The following CRYBG1 variants were observed in gnomAD, a reference collection of about 807,000 sequenced individuals.
The protein encoded by CRYBG1 is beta/gamma crystallin domain-containing protein 1.
Under a neutral mutation model 189.2 loss-of-function variants are expected in CRYBG1, and 139 were observed. The ratio of observed to expected loss-of-function variants is 0.73; its 90% CI spans 0.64 to 0.85. The LOEUF (loss-of-function observed/expected upper bound fraction) is 0.85. Ranked by LOEUF, CRYBG1 falls within the 40% of genes least tolerant of loss-of-function variation. The probability of loss-of-function intolerance (pLI) is 0.00; values close to 1 mark genes in which losing one functional copy is unlikely to be tolerated. For synonymous variants in CRYBG1, 1,023 were observed against 1,017.1 expected, an observed-to-expected ratio of 1.01 and a Z score of -0.11; for missense variants, 2,611 against 2,675.8, an observed-to-expected ratio of 0.98 and a Z score of 0.53.
chr6:106,377,446 T>C (rs17066932), intron 1 of CRYBG1, among the ~76,000 whole-genome samples: 7,380 of 152,142 alleles, frequency 0.049, 238 homozygotes, highest in South Asian at 0.17. Flanking sequence ...GCCAAAGCGG[T>C]CATCAGACTT....
chr6:106,543,789 C>T (rs1774196123), intron 11 of CRYBG1, among the ~76,000 whole-genome samples, 192 bp downstream of exon 11: 1 of 152,216 alleles, frequency 6.6e-6, no homozygotes. Flanking sequence ...TGGTGGCTCA[C>T]ACCTGTAATC....
chr6:106,496,412 A>C (rs972240510), intron 2 of CRYBG1, among the ~76,000 whole-genome samples: 3 of 152,204 alleles, frequency 2.0e-5, no homozygotes, highest in African/African-American at 7.2e-5. Flanking sequence ...ACACTGACAA[A>C]TCATCTTTAC....
chr6:106,548,733 C>T (rs1774320824), intron 13 of CRYBG1, among the ~76,000 whole-genome samples: 1 of 150,450 alleles, frequency 6.6e-6, no homozygotes, highest in African/African-American at 2.4e-5. Context: ...CGTAGATTTT[C>T]TTTTTTTTTA....
At chr6:106,477,950 G>A (rs1282334195) in intron 2 of CRYBG1, among the ~76,000 whole-genome samples, 1 of 152,252 alleles carries the variant, frequency 6.6e-6, no homozygotes, top group African/African-American at 2.4e-5. Context: ...TTGCCACAGG[G>A]CAGAGAAAAG....
chr6:106,527,936 C>T (rs1420704181), intron 7 of CRYBG1, among the ~76,000 whole-genome samples: 4 of 152,056 alleles, frequency 2.6e-5, no homozygotes, highest in Non-Finnish European at 5.9e-5. Context: ...TATTTGAGGC[C>T]ACTTTATGGG....
chr6:106,504,593 A>C (rs1185069659), intron 2 of CRYBG1, among the ~76,000 whole-genome samples: 2 of 152,198 alleles, frequency 1.3e-5, no homozygotes, highest in Non-Finnish European at 2.9e-5. Context: ...TGTGCTTAAT[A>C]GATCAGAGTT....
chr6:106,466,726 T>C (rs540970193), intron 2 of CRYBG1, among the ~76,000 whole-genome samples: 3 of 152,344 alleles, frequency 2.0e-5, no homozygotes, highest in South Asian at 4.1e-4. Flanking sequence ...AAGGTATCAG[T>C]TGAAGACATA....
chr6:106,437,528 C>T (rs1016059688), intron 1 of CRYBG1, among the ~76,000 whole-genome samples: 7 of 152,222 alleles, frequency 4.6e-5, no homozygotes, highest in African/African-American at 1.7e-4. Flanking sequence ...CCTCAAATTC[C>T]TGGGGTCAAG....
At chr6:106,485,377 TA>T (rs945622201) in intron 2 of CRYBG1, among the ~76,000 whole-genome samples, 3 of 152,258 alleles carry the variant, frequency 2.0e-5, no homozygotes, top group African/African-American at 7.2e-5. Context: ...CTGAATTAGA[TA>T]ATTAGTTCTA....
intron 2 of CRYBG1, among the ~76,000 whole-genome samples, chr6:106,489,349 T>G (rs929309168): frequency 6.6e-6 from 1 of 152,180 alleles, no homozygotes; most frequent in African/African-American, 2.4e-5. Flanking sequence ...GTTGGCCATC[T>G]TGCTGATGTC....
intron 2 of CRYBG1, among the ~76,000 whole-genome samples, chr6:106,462,723 A>C (rs2114455098): frequency 6.6e-6 from 1 of 152,356 alleles, no homozygotes; most frequent in East Asian, 1.9e-4. Context: ...AAGTGGAATA[A>C]TTAGTTTAAG....
intron 1 of CRYBG1, among the ~76,000 whole-genome samples, chr6:106,423,477 A>G (rs892257144): frequency 6.6e-6 from 1 of 151,924 alleles, no homozygotes; most frequent in African/African-American, 2.4e-5. Context: ...CAGCAGAAAC[A>G]TTTTTACCTG....
At chr6:106,531,390 A>G (rs1773872699) in intron 8 of CRYBG1, among the ~76,000 whole-genome samples, 1 of 152,236 alleles carries the variant, frequency 6.6e-6, no homozygotes, top group Admixed American at 6.5e-5. Flanking sequence ...GTGGTCATAT[A>G]GAAGAGATAT....
chr6:106,546,099 G>A (rs1467570966), intron 13 of CRYBG1, among the ~76,000 whole-genome samples: 1 of 152,160 alleles, frequency 6.6e-6, no homozygotes, highest in Non-Finnish European at 1.5e-5. Flanking sequence ...CCACAGAGAC[G>A]GCCATGTCTG....
At chr6:106,388,859 T>G (rs1313771358) in intron 1 of CRYBG1, among the ~76,000 whole-genome samples, 1 of 152,198 alleles carries the variant, frequency 6.6e-6, no homozygotes, top group African/African-American at 2.4e-5. Flanking sequence ...GAGAGAAAGA[T>G]CAGTGCTTTT....
rs751055601 is a variant in CRYBG1 at position 106,539,425 on chromosome 6, GGA to G, written c.4742_4743del (p.Gly1581ValfsTer12). 1.2e-4 allele frequency: 198 copies of G among 1,613,904 alleles called. No individual in the cohort carries two copies. Among genetic ancestry groups the G allele is most frequent in the Non-Finnish European group, 1.5e-4 (179 of 1,179,970 alleles). On this transcript the variant is annotated frameshift_variant, in exon 9 of 22. Transcript: ENST00000633556. LOFTEE classifies it high-confidence loss of function. ...WGTWLIYEEP[G>X]FQGVPFILEP... is the part of the protein sequence containing the mutation. ...TAGGTGGCTGATTTATGAAGAACCTGGATTTCAGGGTGTTCCTTTCATCCTGG... is the reference window on the plus strand; with the variant it reads ...TAGGTGGCTGATTTATGAAGAACCTGTTTCAGGGTGTTCCTTTCATCCTGG...
At chr6:106,424,131 C>G (rs1438649351) in intron 1 of CRYBG1, among the ~76,000 whole-genome samples, 2 of 152,102 alleles carry the variant, frequency 1.3e-5, no homozygotes, top group African/African-American at 4.8e-5. Flanking sequence ...AGTAATTTAA[C>G]TTCTTTTAAC....
At chr6:106,395,672 G>A (rs539588782) in intron 1 of CRYBG1, among the ~76,000 whole-genome samples, 71 of 151,882 alleles carry the variant, frequency 4.7e-4, no homozygotes, top group African/African-American at 1.7e-3. Context: ...GGATTTTTTG[G>A]TTTGCTTCCT....
intron 1 of CRYBG1, among the ~76,000 whole-genome samples, chr6:106,400,449 C>G (rs1770701915): frequency 6.6e-6 from 1 of 151,946 alleles, no homozygotes; most frequent in Non-Finnish European, 1.5e-5. Flanking sequence ...TGGATCTTAG[C>G]AATGGATGAA....
Sources: gnomAD v4.1 joint callset for allele counts (sites outside exome capture counted in the v4.1 genomes callset) on GRCh38, gnomAD v4.1.1 for gene constraint, MANE v1.5 for transcripts, NCBI Gene and HGNC (gene_info 2026-07-23, HGNC 2026-07-21) for gene names.